Variants in JPH2 observed in about 807,000 individuals in gnomAD.
JPH2 encodes the protein junctophilin 2, also known as junctophilin-2.
JPH2 carries 38 observed loss-of-function variants against 55.9 expected under a neutral mutation model. The ratio of observed to expected loss-of-function variants is 0.68; its 90% CI spans 0.52 to 0.89. JPH2 has a LOEUF of 0.89. Ranked by LOEUF, JPH2 falls within the 40% of genes least tolerant of loss-of-function variation. The pLI, the probability that JPH2 is intolerant of heterozygous loss-of-function variation, is 0.00. For missense variants in JPH2, 964 were observed against 1,037.6 expected, an observed-to-expected ratio of 0.93 and a Z score of 0.97; for synonymous variants, 480 against 472.4, an observed-to-expected ratio of 1.02 and a Z score of -0.21.
At chr20:44,142,793 A>G (rs942010244) in intron 2 of JPH2, among the ~76,000 whole-genome samples, 11 of 152,206 alleles carry the variant, frequency 7.2e-5, no homozygotes, top group Admixed American at 4.6e-4. Context: ...GCTCTCAATA[A>G]GTCCTTGTTG....
chr20:44,115,287 C>T (rs1219793018), intron 4 of JPH2, among the ~76,000 whole-genome samples: 2 of 152,076 alleles, frequency 1.3e-5, no homozygotes, highest in African/African-American at 4.8e-5. Context: ...TCTTCCACCT[C>T]CATGAAGCCC....
At chr20:44,167,848 T>C (rs903418297) in intron 1 of JPH2, among the ~76,000 whole-genome samples, 3 of 152,222 alleles carry the variant, frequency 2.0e-5, no homozygotes, top group Non-Finnish European at 4.4e-5. Flanking sequence ...GACCATGCAT[T>C]CTTCTAGCTA....
intron 1 of JPH2, among the ~76,000 whole-genome samples, chr20:44,166,509 T>G (rs895191874): frequency 6.6e-6 from 1 of 152,206 alleles, no homozygotes; most frequent in Non-Finnish European, 1.5e-5. Flanking sequence ...GATGGGCTGA[T>G]GTAGTCCCTT....
At chr20:44,126,169 A>G (rs1274646376) in intron 2 of JPH2, among the ~76,000 whole-genome samples, 1 of 61,794 alleles carries the variant, frequency 1.6e-5, no homozygotes, top group Non-Finnish European at 2.9e-5. Flanking sequence ...GGAGGGAGGG[A>G]GGAAGGAAGG....
intron 3 of JPH2, among the ~76,000 whole-genome samples, 167 bp from the exon 4 acceptor site, chr20:44,116,553 T>C (rs2072194494): frequency 6.6e-6 from 1 of 152,160 alleles, no homozygotes. Context: ...TATTAACTCA[T>C]CTAATCCCTG....
At position 44,149,305 on chromosome 20, in the gene JPH2, C is replaced by T. The variant is rs147719856; in HGVS notation, c.1169+10313G>A. 3.1e-3 allele frequency among the ~76,000 whole-genome samples: 472 copies of T among 152,314 alleles called. 2 individuals are homozygous for T. The highest frequency in any genetic ancestry group is 7.5e-3 in the South Asian group (36 of 4,824). On this transcript the variant is annotated intron_variant, in intron 2 of 5. Coordinates refer to ENST00000372980, the MANE Select transcript of JPH2 (RefSeq NM_020433.5). ...TACAGCCTAGCCCTTGCCATACTCTCGCTACAAGAGCCATGGTCCAGGTGT... is the reference window on the plus strand; with the variant it reads ...TACAGCCTAGCCCTTGCCATACTCTTGCTACAAGAGCCATGGTCCAGGTGT...
chr20:44,138,548 A>C (rs1447431955), intron 2 of JPH2, among the ~76,000 whole-genome samples: 1 of 151,326 alleles, frequency 6.6e-6, no homozygotes, highest in African/African-American at 2.4e-5. Context: ...CACCCAGCTA[A>C]TTTTTTTATT....
At chr20:44,158,561 G>T (rs2072581349) in intron 2 of JPH2, among the ~76,000 whole-genome samples, 2 of 152,334 alleles carry the variant, frequency 1.3e-5, no homozygotes, top group South Asian at 4.1e-4. Context: ...AAATTGCCTT[G>T]TACCTAGTAG....
chr20:44,134,774 T>G (rs1362176121), intron 2 of JPH2, among the ~76,000 whole-genome samples: 1 of 102,866 alleles, frequency 9.7e-6, no homozygotes, highest in African/African-American at 3.8e-5. Flanking sequence ...ATAAAAATAT[T>G]TATAAATATA....
chr20:44,170,781 T>C (rs933390806), intron 1 of JPH2, among the ~76,000 whole-genome samples: 4 of 152,226 alleles, frequency 2.6e-5, no homozygotes, highest in Admixed American at 6.5e-5. Context: ...TCTTTAATTT[T>C]GCTCAATATA....
chr20:44,119,529 T>G (rs998910517), intron 2 of JPH2, among the ~76,000 whole-genome samples: 3 of 152,182 alleles, frequency 2.0e-5, no homozygotes, highest in Non-Finnish European at 2.9e-5. Context: ...GGCTCCTTAC[T>G]ACCCCAGAGA....
chr20:44,169,973 C>T (rs1049035569), intron 1 of JPH2, among the ~76,000 whole-genome samples: 1 of 152,184 alleles, frequency 6.6e-6, no homozygotes, highest in African/African-American at 2.4e-5. Context: ...ACCCCTTGAC[C>T]TTGGACTGCC....
At chr20:44,141,237 T>C (rs2072454470) in intron 2 of JPH2, among the ~76,000 whole-genome samples, 1 of 152,212 alleles carries the variant, frequency 6.6e-6, no homozygotes, top group Admixed American at 6.5e-5. Flanking sequence ...AATATTCACC[T>C]TCCCATTCTC....
intron 2 of JPH2, among the ~76,000 whole-genome samples, chr20:44,120,409 C>T (rs1015319733): frequency 6.6e-6 from 1 of 152,136 alleles, no homozygotes; most frequent in Admixed American, 6.6e-5. Flanking sequence ...GAAGTACCTA[C>T]TAAAGTAATA....
intron 2 of JPH2, among the ~76,000 whole-genome samples, chr20:44,124,038 G>A (rs1266241146): frequency 3.3e-5 from 5 of 152,288 alleles, no homozygotes; most frequent in South Asian, 4.1e-4. Flanking sequence ...CCCTGCTTGG[G>A]GGAAGGGAGC....
intron 2 of JPH2, among the ~76,000 whole-genome samples, chr20:44,133,663 G>T (rs1449283563): frequency 6.6e-6 from 1 of 151,402 alleles, no homozygotes; most frequent in Non-Finnish European, 1.5e-5. Context: ...ATGGCCCTAG[G>T]GGAGATTCAA....
intron 2 of JPH2, 98 bp from the exon 3 acceptor site, chr20:44,118,721 T>C: frequency 4.3e-6 from 4 of 939,822 alleles, no homozygotes; most frequent in South Asian, 1.3e-5. Flanking sequence ...AAACACAGCA[T>C]TCTTTCACGC....
chr20:44,124,850 G>A (rs1438387205), intron 2 of JPH2, among the ~76,000 whole-genome samples: 2 of 151,768 alleles, frequency 1.3e-5, no homozygotes, highest in South Asian at 2.1e-4. Flanking sequence ...GCTCACGCAT[G>A]TAATCCCAGC....
chr20:44,162,745 C>CATATATATATATAT (rs1157323951), intron 1 of JPH2, among the ~76,000 whole-genome samples: 1 of 52,468 alleles, frequency 1.9e-5, no homozygotes, highest in Non-Finnish European at 3.2e-5. Flanking sequence ...AATAAACTTC[C>CATATATATATATAT]ATATATATAT....
Sources: allele counts gnomAD v4.1 joint callset (sites outside exome capture counted in the v4.1 genomes callset), GRCh38; gene constraint gnomAD v4.1.1; transcripts MANE v1.5; gene names NCBI Gene and HGNC (gene_info 2026-07-23, HGNC 2026-07-21).